The following CNTLN variants were observed in gnomAD, a reference collection of about 807,000 sequenced individuals.
CNTLN encodes the protein centlein, centrosomal protein.
In CNTLN, 212 loss-of-function variants were observed where a neutral mutation model predicts 180.0. The ratio of observed to expected loss-of-function variants is 1.18; its 90% confidence interval spans 1.05 to 1.32. The LOEUF (loss-of-function observed/expected upper bound fraction) is 1.32. CNTLN is among the 40% of genes most tolerant of loss of function. The probability of loss-of-function intolerance (pLI) is 0.00; values close to 1 mark genes in which losing one functional copy is unlikely to be tolerated. For missense variants in CNTLN, 2,095 were observed against 1,610.9 expected (o/e 1.30, Z -5.14); for synonymous variants, 722 against 563.1 (o/e 1.28, Z -3.99).
intron 25 of CNTLN, among the ~76,000 whole-genome samples, chr9:17,495,167 G>T (rs533609037): frequency 2.6e-5 from 4 of 151,804 alleles, no homozygotes; most frequent in African/African-American, 9.7e-5. Flanking sequence ...GATGTGAGCC[G>T]CTGTGCCCAG....
intron 23 of CNTLN, among the ~76,000 whole-genome samples, chr9:17,479,725 A>C (rs1235653580): frequency 6.6e-6 from 1 of 152,196 alleles, no homozygotes; most frequent in Non-Finnish European, 1.5e-5. Flanking sequence ...AAATTCATGA[A>C]GGAAATAGTT....
chr9:17,431,772 T>G (rs1330748241), intron 18 of CNTLN, among the ~76,000 whole-genome samples: 2 of 152,178 alleles, frequency 1.3e-5, no homozygotes, highest in Admixed American at 1.3e-4. Flanking sequence ...TTGTTTAATG[T>G]GTAGAAGATT....
intron 2 of CNTLN, among the ~76,000 whole-genome samples, chr9:17,177,334 G>C (rs577613087): frequency 6.6e-6 from 1 of 152,082 alleles, no homozygotes; most frequent in Non-Finnish European, 1.5e-5. Context: ...GCGTGAACCC[G>C]GGAGGCGGAG....
chr9:17,154,907 C>T (rs1178673291), intron 2 of CNTLN, among the ~76,000 whole-genome samples: 1 of 152,208 alleles, frequency 6.6e-6, no homozygotes, highest in Admixed American at 6.5e-5. Context: ...TTTTGCTCTT[C>T]ACAATAAATC....
chr9:17,354,917 G>T (rs187108490), intron 12 of CNTLN, among the ~76,000 whole-genome samples: 1 of 151,970 alleles, frequency 6.6e-6, no homozygotes, highest in Admixed American at 6.5e-5. Flanking sequence ...TGAGCCCAGC[G>T]AGACCACGAG....
intron 3 of CNTLN, among the ~76,000 whole-genome samples, chr9:17,229,321 A>G (rs940109989): frequency 6.6e-6 from 1 of 152,140 alleles, no homozygotes; most frequent in Non-Finnish European, 1.5e-5. Context: ...GCAATACAAC[A>G]GGGATGGCAT....
At chr9:17,421,188 A>T (rs1828697595) in intron 18 of CNTLN, among the ~76,000 whole-genome samples, 1 of 152,036 alleles carries the variant, frequency 6.6e-6, no homozygotes, top group South Asian at 2.1e-4. Flanking sequence ...TTGTATTGTC[A>T]TATTGAAGTC....
At position 17,167,688 on chromosome 9, in the gene CNTLN, T is replaced by G. The variant is rs796977908; in HGVS notation, c.449+24312T>G. 3.3e-4 allele frequency: 50 copies of G among 152,280 alleles called. 1 individual carries two copies. The highest frequency in any genetic ancestry group is 1.2e-3 in the African/African-American group (49 of 41,576). 9.4% of individuals were successfully genotyped at this position (152,280 alleles called of 1,614,324 possible). A position where few individuals can be genotyped will look rare whatever the true frequency, so the allele number is the denominator to read the frequency against. ...GAGATTAATGCAGTCAGCTAAACAG[T>G]GAGGTTGTTAATAACAGAGTGATGC... On this transcript the variant is annotated intron_variant, in intron 2 of 25. Coordinates refer to ENST00000380647, the MANE Select transcript of CNTLN (RefSeq NM_017738.4).
At chr9:17,415,733 C>T (rs1315369440) in intron 16 of CNTLN, 55 bp from the exon 17 acceptor site, 2 of 1,056,650 alleles carry the variant, frequency 1.9e-6, no homozygotes, top group Non-Finnish European at 2.9e-6. Context: ...TATATCAGTT[C>T]ACTTGATGTT....
intron 5 of CNTLN, among the ~76,000 whole-genome samples, chr9:17,269,679 G>C (rs1363562274): frequency 6.6e-6 from 1 of 152,016 alleles, no homozygotes; most frequent in Non-Finnish European, 1.5e-5. Context: ...CTTGTTTTAT[G>C]GTCTGTCATG....
chr9:17,511,737 T>G, the CNTLN span, among the ~76,000 whole-genome samples: 4 of 151,476 alleles, frequency 2.6e-5, no homozygotes, highest in Non-Finnish European at 5.9e-5. Flanking sequence ...TAACAAGTGG[T>G]GGGAATTATT....
At chr9:17,401,268 C>A (rs1826952525) in intron 15 of CNTLN, among the ~76,000 whole-genome samples, 3 of 152,144 alleles carry the variant, frequency 2.0e-5, no homozygotes, top group Admixed American at 1.3e-4. Flanking sequence ...ATATACATAG[C>A]AGACTGTGAA....
At chr9:17,497,114 T>A (rs1833497185) in intron 25 of CNTLN, among the ~76,000 whole-genome samples, 1 of 152,158 alleles carries the variant, frequency 6.6e-6, no homozygotes, top group Admixed American at 6.6e-5. Context: ...TGTGCTGGTA[T>A]CATTGCCCAA....
rs1229654584 is a variant in CNTLN, at chr9:17,235,668, T to C, written c.545T>C (p.Val182Ala). ...AATTTTTTTCCACAGAGAGAGTCAG[T>C]ACTGAAACAGGAAATAAATGACCTT... The part of the protein sequence containing the change: ...KIQEFEQRES[V>A]LKQEINDLVK... Residue 182 changes from valine to alanine, a missense_variant, in exon 4 of 26, where the codon GTA (valine) becomes GCA (alanine). Transcript: ENST00000380647. 4 of 1,602,276 alleles carry C rather than the reference T, an allele frequency of 2.5e-6. No homozygotes were observed. In the Admixed American group the frequency reaches 6.9e-5, roughly 28 times the overall value.
At chr9:17,273,984 T>A in intron 6 of CNTLN, 118 bp downstream of exon 6, 1 of 822,030 alleles carries the variant, frequency 1.2e-6, no homozygotes, top group Non-Finnish European at 1.8e-6. Flanking sequence ...TGTGGTTATA[T>A]ATGTTTGTGC....
the CNTLN span, among the ~76,000 whole-genome samples, chr9:17,514,510 G>A: frequency 6.6e-6 from 1 of 152,080 alleles, no homozygotes; most frequent in Non-Finnish European, 1.5e-5. Flanking sequence ...ATAAGTGATG[G>A]TATGAAACAA....
At chr9:17,360,655 A>G (rs1051418779) in intron 12 of CNTLN, among the ~76,000 whole-genome samples, 1 of 152,192 alleles carries the variant, frequency 6.6e-6, no homozygotes, top group Admixed American at 6.5e-5. Flanking sequence ...AGAGTTGACT[A>G]AAGATTGGTT....
At chr9:17,285,228 C>T (rs1346127322) in intron 6 of CNTLN, among the ~76,000 whole-genome samples, 1 of 143,012 alleles carries the variant, frequency 7.0e-6, no homozygotes, top group African/African-American at 2.6e-5. Flanking sequence ...TTGTTCAATT[C>T]CCACCTATGA....
intron 18 of CNTLN, among the ~76,000 whole-genome samples, chr9:17,454,732 G>T (rs982030969): frequency 2.6e-5 from 4 of 152,162 alleles, no homozygotes; most frequent in Non-Finnish European, 4.4e-5. Context: ...AGGTAGACAA[G>T]CACCATCTCT....
Sources: gnomAD v4.1 joint callset for allele counts (sites outside exome capture counted in the v4.1 genomes callset) on GRCh38, gnomAD v4.1.1 for gene constraint, MANE v1.5 for transcripts, NCBI Gene and HGNC (gene_info 2026-07-23, HGNC 2026-07-21) for gene names.